Variants in CEACAM19 observed in about 807,000 individuals in gnomAD.
CEACAM19 encodes CEA cell adhesion molecule 19.
Under a neutral mutation model 37.6 loss-of-function variants are expected in CEACAM19, and 37 were observed. The observed-to-expected ratio is 0.98, with a 90% CI of 0.76 to 1.29. The LOEUF (loss-of-function observed/expected upper bound fraction) is 1.29, where lower values mean the gene tolerates loss of function less well. CEACAM19 is among the 50% of genes most tolerant of loss of function. CEACAM19 has a pLI of 0.00. For synonymous variants in CEACAM19, 140 were observed against 149.8 expected (o/e 0.93, Z 0.48); for missense variants, 340 against 375.6 (o/e 0.91, Z 0.78).
chr19:44,668,882 C>CGG (rs1163390623), upstream of CEACAM19, among the ~76,000 whole-genome samples: 7 of 134,148 alleles, frequency 5.2e-5, no homozygotes, highest in Non-Finnish European at 7.9e-5. Context: ...TGCAGTGGCA[C>CGG]AATCTTGGCT....
At chr19:44,670,037 C>T (rs547576255), upstream of CEACAM19, among the ~76,000 whole-genome samples, 1 of 152,096 alleles carries the variant, frequency 6.6e-6, no homozygotes, top group African/African-American at 2.4e-5. Flanking sequence ...AAAAACTAGG[C>T]TAAGCCAGGT....
At chr19:44,678,974 A>G in intron 4 of CEACAM19, 38 bp downstream of exon 4, 2 of 1,611,432 alleles carry the variant, frequency 1.2e-6, no homozygotes, top group Non-Finnish European at 8.5e-7. Context: ...GAACTAACAA[A>G]CTTGCTATAG....
rs1198526031 is a variant in CEACAM19, at chr19:44,678,714, A to AT, written c.576-132dup. 63 of 1,254,296 alleles carry AT rather than the reference A, an allele frequency of 5.0e-5. No homozygotes were observed. The African/African-American group carries it at 7.9e-4, about 16-fold the overall frequency. The allele number at this position is 1,254,296 out of a possible 1,614,324, so 77.7% of individuals were successfully genotyped here. A position where few individuals can be genotyped will look rare whatever the true frequency, so the allele number is the denominator to read the frequency against. On this transcript the variant is annotated intron_variant, in intron 3 of 7. Transcript: ENST00000358777. ...GCATGAGCCACTGAGCCCAATTACT[A>AT]TTTTTTTACTCAAAACCGCACACAC...
upstream of CEACAM19, among the ~76,000 whole-genome samples, chr19:44,667,876 TAAATATATATAAATTATATATAATATATA>T (rs1396830572): frequency 6.1e-3 from 428 of 70,376 alleles, 3 homozygotes; most frequent in Non-Finnish European, 8.6e-3. Flanking sequence ...ATATAATATA[TAAATATATATAAATTATATATAATATATA>T]AAATATATAT....
rs1389979516 is a variant in CEACAM19, at chr19:44,671,774, T to C, written c.-158T>C. The C allele has an allele frequency of 1.7e-6, 1 of 599,968 alleles. No individual in the cohort carries two copies. Among genetic ancestry groups the C allele is most frequent in the Admixed American group, 3.0e-5 (1 of 33,822 alleles). 37.2% of individuals were successfully genotyped at this position (599,968 alleles called of 1,614,324 possible). On this transcript the variant is annotated 5_prime_UTR_variant, in exon 1 of 8. It removes an upstream start codon present in the reference 5' UTR. Coordinates refer to ENST00000358777, the MANE Select transcript of CEACAM19 (RefSeq NM_001127893.3). ...GTATAGGTGGAGCCTCCAGAGCCCA[T>C]GGACAGGGCATGCTGGGGCTGGGCC...
upstream of CEACAM19, among the ~76,000 whole-genome samples, chr19:44,670,781 G>GAA (rs74691226): frequency 0.025 from 1,427 of 58,136 alleles, 208 homozygotes; most frequent in Non-Finnish European, 0.05. Context: ...CCTGTCTCAA[G>GAA]AAAAAAAAAA....
chr19:44,670,781 G>GA (rs74691226), upstream of CEACAM19, among the ~76,000 whole-genome samples: 3,959 of 58,074 alleles, frequency 0.068, 591 homozygotes, highest in East Asian at 0.16. Flanking sequence ...CCTGTCTCAA[G>GA]AAAAAAAAAA....
rs773693824 is a variant in CEACAM19, at chr19:44,672,635, C to A, written c.95C>A (p.Ala32Glu). ...LVLWMLQGSQ[A>E]ALYIQKIPEQ... ...CTCTGGATGCTCCAAGGCTCCCAGG[C>A]AGCTCTCTACATCCAGAAGATTCCA... Residue 32 changes from alanine (A) to glutamate (E), a missense_variant, in exon 2 of 8, where the codon GCA (alanine) becomes GAA (glutamate). Physicochemically the swap from Ala to Glu is moderately radical, Grantham distance 107. Coordinates refer to ENST00000358777, the MANE Select transcript of CEACAM19 (RefSeq NM_001127893.3). The A allele has an allele frequency of 2.0e-6, 3 of 1,494,238 alleles. No individual in the cohort carries two copies. Among genetic ancestry groups the A allele is most frequent in the Non-Finnish European group, 2.7e-6 (3 of 1,120,706 alleles). 92.6% of individuals were successfully genotyped at this position (1,494,238 alleles called of 1,614,324 possible).
In CEACAM19 at chr19:44,683,530, C is replaced by A; in HGVS notation, c.*40C>A. On this transcript the variant is annotated 3_prime_UTR_variant, in exon 8 of 8. Transcript: ENST00000358777. ...GGCCAGCCAGGGAGAAGACAAGGCC[C>A]CAGCCCTCCTCTGGGAGCCTCACAC... The A allele has an allele frequency of 7.3e-7, 1 of 1,362,958 alleles. No homozygotes were observed. Among genetic ancestry groups the A allele is most frequent in the Non-Finnish European group, 9.9e-7 (1 of 1,005,230 alleles). The allele number at this position is 1,362,958 out of a possible 1,614,324, so 84.4% of individuals were successfully genotyped here.
chr19:44,682,924 G>T, intron 7 of CEACAM19: 1 of 360,654 alleles, frequency 2.8e-6, no homozygotes, highest in Non-Finnish European at 5.1e-6. Context: ...AGCCAGTCAG[G>T]TCCCCAGTGA....
chr19:44,681,759 G>A lies in CEACAM19; in HGVS notation c.792+447G>A, dbSNP rs542430557. Among the ~76,000 whole-genome samples the A allele has an allele frequency of 4.1e-3, 612 of 150,588 alleles. 6 individuals carry two copies. Among genetic ancestry groups the A allele is most frequent in the African/African-American group, 0.014 (579 of 40,914 alleles). The stretch of plus-strand genomic sequence containing the variant: ...AGCCTGGCCAACATGGTGAAACCCC[G>A]TCTCTACTAAAAATACAAAAATTAG... On this transcript the variant is annotated intron_variant, in intron 6 of 7. Transcript: ENST00000358777.
intron 2 of CEACAM19, among the ~76,000 whole-genome samples, chr19:44,675,097 C>CAT (rs71338722): frequency 1.4e-5 from 2 of 143,902 alleles, no homozygotes; most frequent in South Asian, 2.3e-4. Flanking sequence ...CAGAGAACAG[C>CAT]GTGTGTGTGT....
chr19:44,675,097 CGTGTGTGTGTGTGTGTGT>C (rs59147604), intron 2 of CEACAM19, among the ~76,000 whole-genome samples: 2 of 143,800 alleles, frequency 1.4e-5, no homozygotes, highest in African/African-American at 5.2e-5. Context: ...CAGAGAACAG[CGTGTGTGTGTGTGTGTGT>C]GTGTGTGTGT....
rs774986662 is a variant in CEACAM19 at position 44,683,462 on chromosome 19, C to T, written c.872C>T (p.Pro291Leu). Residue 291 changes from proline (P) to leucine (L), a missense_variant, in exon 8 of 8, where the codon CCC becomes CTC. By Grantham distance (98) the Pro-to-Leu change is moderately conservative (BLOSUM62 -3). Coordinates refer to ENST00000358777, the MANE Select transcript of CEACAM19 (RefSeq NM_001127893.3). ...GACCTGCTAAACCCCGACCCTGCCCCCTACTGCCAGCTGGTGCCAACTTCC... is the reference window on the plus strand; with the variant it reads ...GACCTGCTAAACCCCGACCCTGCCCTCTACTGCCAGCTGGTGCCAACTTCC... ...YQDLLNPDPA[P>L]YCQLVPTS 2.3e-5 allele frequency: 36 copies of T among 1,566,498 alleles called. No individual in the cohort carries two copies. The highest frequency in any genetic ancestry group is 3.0e-5 in the Non-Finnish European group (35 of 1,153,788).
At chr19:44,677,606 A>G (rs1568516650) in intron 3 of CEACAM19, 1 of 152,044 alleles carries the variant, frequency 6.6e-6, no homozygotes, top group Non-Finnish European at 1.5e-5. Context: ...TTTTTCTGCC[A>G]CTCACCAGTT....
upstream of CEACAM19, among the ~76,000 whole-genome samples, chr19:44,668,854 C>G (rs772902615): frequency 6.2e-5 from 7 of 112,888 alleles, no homozygotes; most frequent in Non-Finnish European, 1.3e-4. Flanking sequence ...GAGTCTTGCT[C>G]TGTTGCCCAG....
chr19:44,682,572 GCCCACACC>G lies in CEACAM19; in HGVS notation c.807_814del (p.Pro270AlafsTer65). ...CCCGTGTCCTTCCCTTGCAGCCCCT[GCCCACACC>G]CCCACACCTGCAGGCGGAGCCAGAG... On this transcript the variant is annotated frameshift_variant, in exon 7 of 8. Coordinates refer to ENST00000358777, the MANE Select transcript of CEACAM19 (RefSeq NM_001127893.3). LOFTEE classifies it high-confidence loss of function. 1 of 1,601,952 alleles carries G rather than the reference GCCCACACC, an allele frequency of 6.2e-7. No homozygotes were observed.
chr19:44,676,182 A>G, intron 2 of CEACAM19, 89 bp from the exon 3 acceptor site: 1 of 1,318,810 alleles, frequency 7.6e-7, no homozygotes, highest in Non-Finnish European at 1.0e-6. Context: ...TTCTCCATGC[A>G]GTCACTGATA....
chr19:44,671,561 G>T lies in CEACAM19; in HGVS notation c.-371G>T, dbSNP rs1301273168. ...TATGGTGGCTGCTGAATGAGGCAGT[G>T]TGTGTTTGAACAAACCCAGGGGAAT... On this transcript the variant is annotated 5_prime_UTR_variant, in exon 1 of 8. Transcript: ENST00000358777. 1 of 408,732 alleles carries T rather than the reference G, an allele frequency of 2.4e-6. No individual in the cohort carries two copies. Among genetic ancestry groups the T allele is most frequent in the African/African-American group, 2.0e-5 (1 of 49,264 alleles). The allele number at this position is 408,732 out of a possible 1,614,324, so 25.3% of individuals were successfully genotyped here.
Sources: gnomAD v4.1 joint callset for allele counts (sites outside exome capture counted in the v4.1 genomes callset) on GRCh38, gnomAD v4.1.1 for gene constraint, MANE v1.5 for transcripts, NCBI Gene and HGNC (gene_info 2026-07-23, HGNC 2026-07-21) for gene names.